Variants in CACNA1C observed in about 807,000 individuals in gnomAD.
CACNA1C encodes the protein voltage-dependent L-type calcium channel subunit alpha-1C.
In CACNA1C, 30 loss-of-function variants were observed where a neutral mutation model predicts 229.0. The ratio of observed to expected loss-of-function variants is 0.13; its 90% confidence interval spans 0.10 to 0.18. CACNA1C has a LOEUF of 0.18. Among genes scored for constraint, CACNA1C ranks in the 10% least tolerant of loss-of-function variants. The pLI is 1.00. For missense variants in CACNA1C, 1,658 were observed against 2,845.0 expected, an observed-to-expected ratio of 0.58 and a Z score of 9.49; for synonymous variants, 1,114 against 1,132.5, an observed-to-expected ratio of 0.98 and a Z score of 0.33.
chr12:2,069,358 A>G (rs989246908), intron 1 of CACNA1C, among the ~76,000 whole-genome samples: 2 of 152,204 alleles, frequency 1.3e-5, no homozygotes, highest in African/African-American at 4.8e-5. Flanking sequence ...GCCTTATGGA[A>G]AGATTCCTCT....
chr12:2,323,482 C>G (rs1181562365), intron 3 of CACNA1C, among the ~76,000 whole-genome samples: 2 of 152,040 alleles, frequency 1.3e-5, no homozygotes, highest in Non-Finnish European at 2.9e-5. Context: ...GTGTCGCCAT[C>G]AGAATAGGAT....
chr12:2,450,353 G>T (rs181551736), intron 4 of CACNA1C, among the ~76,000 whole-genome samples: 2 of 151,836 alleles, frequency 1.3e-5, no homozygotes, highest in African/African-American at 4.8e-5. Context: ...AGGAGATCGA[G>T]ACCATCCTGG....
intron 3 of CACNA1C, among the ~76,000 whole-genome samples, chr12:2,447,221 A>T (rs1318724581): frequency 6.6e-6 from 1 of 152,074 alleles, no homozygotes; most frequent in Admixed American, 6.6e-5. Flanking sequence ...ACCCAACATC[A>T]CCTGACTTTA....
intron 3 of CACNA1C, among the ~76,000 whole-genome samples, chr12:2,360,581 G>A (rs1469125602): frequency 2.0e-5 from 3 of 152,184 alleles, no homozygotes; most frequent in Non-Finnish European, 2.9e-5. Flanking sequence ...AGACACCACC[G>A]CTGCCCCACA....
chr12:2,351,074 CA>C, intron 3 of CACNA1C, among the ~76,000 whole-genome samples: 1 of 152,350 alleles, frequency 6.6e-6, no homozygotes, highest in East Asian at 1.9e-4. Context: ...TGAACTGTTT[CA>C]GATACTCTAA....
chr12:2,685,878 G>A (rs757549697), intron 44 of CACNA1C, 36 bp downstream of exon 44: 106 of 1,465,146 alleles, frequency 7.2e-5, no homozygotes, highest in South Asian at 1.4e-4. Flanking sequence ...TGTGGTCGGC[G>A]GTTACTCCCT....
chr12:2,187,149 C>G, intron 3 of CACNA1C, among the ~76,000 whole-genome samples: 1 of 152,168 alleles, frequency 6.6e-6, no homozygotes, highest in Non-Finnish European at 1.5e-5. Flanking sequence ...CAGGCAGTAT[C>G]TAATTTAATT....
chr12:2,606,650 G>A lies in CACNA1C; in HGVS notation c.3196G>A (p.Glu1066Lys). 1.2e-6 allele frequency: 2 copies of A among 1,609,474 alleles called. No individual in the cohort carries two copies. The highest frequency in any genetic ancestry group is 1.7e-6 in the Non-Finnish European group (2 of 1,178,124). Residue 1066 changes from glutamate to lysine, a missense_variant, in exon 25 of 47, where the codon GAG becomes AAG. Glu to Lys is a moderately conservative substitution (Grantham distance 56). This residue lies in a region of CACNA1C where 77 missense variants were observed against 130.9 expected (regional missense o/e 0.59). Coordinates refer to ENST00000399655, the MANE Select transcript of CACNA1C (RefSeq NM_000719.7). ...CTGTTCAGACAGTTCCAAGCAGACAGAGGCGGAATGCAAGTGAGTAGAGGT... is the reference window on the plus strand; with the variant it reads ...CTGTTCAGACAGTTCCAAGCAGACAAAGGCGGAATGCAAGTGAGTAGAGGT... ...YTCSDSSKQT[E>K]AECKGNYITY... is the part of the protein sequence containing the mutation.
chr12:2,310,094 C>T (rs895833565), intron 3 of CACNA1C, among the ~76,000 whole-genome samples: 11 of 152,134 alleles, frequency 7.2e-5, no homozygotes, highest in South Asian at 2.1e-4. Context: ...TGGTTGGCTA[C>T]GAAGCGGAAC....
At chr12:2,300,210 G>A (rs1170878671) in intron 3 of CACNA1C, among the ~76,000 whole-genome samples, 1 of 152,252 alleles carries the variant, frequency 6.6e-6, no homozygotes, top group Non-Finnish European at 1.5e-5. Flanking sequence ...AGAGTACAAA[G>A]CCATAATTGG....
At chr12:2,572,321 T>TTC in intron 13 of CACNA1C, among the ~76,000 whole-genome samples, 1 of 74,220 alleles carries the variant, frequency 1.3e-5, no homozygotes, top group South Asian at 5.6e-4. Flanking sequence ...CCTCCTCCTC[T>TTC]TCCTCCTCCT....
intron 1 of CACNA1C, among the ~76,000 whole-genome samples, chr12:2,036,202 A>G (rs1003137851): frequency 1.3e-5 from 2 of 152,180 alleles, no homozygotes; most frequent in African/African-American, 4.8e-5. Context: ...TGAAATCTGA[A>G]ATGATGCCAC....
At chr12:2,546,441 G>T (rs563118181) in intron 9 of CACNA1C, among the ~76,000 whole-genome samples, 7 of 152,134 alleles carry the variant, frequency 4.6e-5, no homozygotes, top group East Asian at 1.9e-4. Context: ...ACACTATTCT[G>T]TGCAGTTGCT....
Position 2,053,681 on chromosome 12 carries a change from TC to T in CACNA1C, c.49+74del. The T allele has an allele frequency of 8.5e-7, 1 of 1,175,778 alleles. No individual in the cohort carries two copies. Among genetic ancestry groups the T allele is most frequent in the Non-Finnish European group, 1.1e-6 (1 of 894,454 alleles). 72.8% of individuals were successfully genotyped at this position (1,175,778 alleles called of 1,614,324 possible). On this transcript the variant is annotated intron_variant, in intron 1 of 46. Transcript: ENST00000399655. The surrounding 1 kb of genome is among the most constrained non-coding windows in gnomAD (Gnocchi z 5.8). ...CACCGGGTTCCTGCCCTACCCGCGC[TC>T]CCCGCGGCCCCGGGGCCGGTCCCTG...
intron 28 of CACNA1C, among the ~76,000 whole-genome samples, chr12:2,611,300 GA>G (rs1421670812): frequency 7.0e-6 from 1 of 143,878 alleles, no homozygotes; most frequent in East Asian, 2.2e-4. Flanking sequence ...TCAATGGAGA[GA>G]GGGGAGGAGA....
chr12:2,250,799 G>C (rs957477686), intron 3 of CACNA1C, among the ~76,000 whole-genome samples: 7 of 152,168 alleles, frequency 4.6e-5, no homozygotes, highest in Non-Finnish European at 8.8e-5. Context: ...TGCTTTAGGG[G>C]TTTGTTCTGC....
chr12:2,577,618 C>G (rs189436952), intron 13 of CACNA1C, among the ~76,000 whole-genome samples: 1 of 152,236 alleles, frequency 6.6e-6, no homozygotes, highest in Admixed American at 6.5e-5. Context: ...TAAGTGCACA[C>G]GCACACAAAC....
intron 1 of CACNA1C, among the ~76,000 whole-genome samples, chr12:1,993,934 C>G (rs772828477): frequency 5.3e-5 from 8 of 152,120 alleles, no homozygotes; most frequent in Non-Finnish European, 8.8e-5. Context: ...GAGGACACAG[C>G]CTGAACTAGA....
rs1238379215 is a variant in CACNA1C, at chr12:2,371,730, T to C, written c.478-77246T>C. Among the ~76,000 whole-genome samples the C allele has an allele frequency of 3.4e-5, 5 of 149,144 alleles. No homozygotes were observed. The East Asian group carries it at 9.7e-4, about 29-fold the overall frequency. On this transcript the variant is annotated intron_variant, in intron 3 of 46. Transcript: ENST00000399655. ...CATACTAAATGACATATGGCTTTTT[T>C]TTTTTTTTTTTTTTTTAATCTCGGA...
Sources: gnomAD v4.1 joint callset for allele counts (sites outside exome capture counted in the v4.1 genomes callset) on GRCh38, gnomAD v4.1.1 for gene constraint, gnomAD v4.1.1 regional missense constraint, Gnocchi (gnomAD v3.1) non-coding constraint, MANE v1.5 for transcripts, NCBI Gene and HGNC (gene_info 2026-07-23, HGNC 2026-07-21) for gene names.